Variants in SV2C observed in about 807,000 individuals in gnomAD.
SV2C encodes synaptic vesicle glycoprotein 2C.
SV2C carries 49 observed loss-of-function variants against 79.7 expected under a neutral mutation model. The observed-to-expected ratio is 0.61, with a 90% confidence interval of 0.49 to 0.78. The LOEUF (loss-of-function observed/expected upper bound fraction) is 0.78. SV2C is among the 30% of genes least tolerant of loss of function. The pLI, the probability that SV2C is intolerant of heterozygous loss-of-function variation, is 0.00. For missense variants in SV2C, 833 were observed against 912.9 expected (o/e 0.91, Z 1.13); for synonymous variants, 334 against 333.2 (o/e 1.00, Z -0.03).
chr5:76,075,865 C>G, the SV2C span: 1 of 223,438 alleles, frequency 4.5e-6, no homozygotes, highest in Non-Finnish European at 9.9e-6. Context: ...ATTATTTGCA[C>G]ATAGCAATTA....
chr5:76,336,228 C>T (rs1179136897), downstream of SV2C, among the ~76,000 whole-genome samples: 1 of 151,560 alleles, frequency 6.6e-6, no homozygotes, highest in Non-Finnish European at 1.5e-5. Context: ...GGCTGCCGGG[C>T]GGAGGGGCTC....
chr5:76,214,609 G>C, intron 4 of SV2C, among the ~76,000 whole-genome samples: 1 of 152,112 alleles, frequency 6.6e-6, no homozygotes. Context: ...CTGTAGATCT[G>C]TTTGAGTAGC....
chr5:75,858,405 TG>T, the SV2C span, among the ~76,000 whole-genome samples: 1 of 152,226 alleles, frequency 6.6e-6, no homozygotes, highest in Admixed American at 6.5e-5. Flanking sequence ...ATGATCACTT[TG>T]GTTGATTTGT....
chr5:76,031,021 G>A, the SV2C span, among the ~76,000 whole-genome samples: 1 of 152,058 alleles, frequency 6.6e-6, no homozygotes, highest in Non-Finnish European at 1.5e-5. Flanking sequence ...AATATAAATG[G>A]TGCAAAATAT....
intron 4 of SV2C, among the ~76,000 whole-genome samples, chr5:76,212,770 C>G (rs986921415): frequency 6.6e-6 from 1 of 152,138 alleles, no homozygotes; most frequent in African/African-American, 2.4e-5. Flanking sequence ...ACTAGGAATT[C>G]AGTTCCTCTG....
the SV2C span, among the ~76,000 whole-genome samples, chr5:75,890,115 A>G: frequency 4.6e-5 from 7 of 152,140 alleles, no homozygotes; most frequent in African/African-American, 1.7e-4. Flanking sequence ...TCAATGCATT[A>G]TATTTAAAGG....
At chr5:75,970,189 T>C in the SV2C span, among the ~76,000 whole-genome samples, 43 of 151,634 alleles carry the variant, frequency 2.8e-4, no homozygotes, top group African/African-American at 1.0e-3. Flanking sequence ...TAGAGGGAAA[T>C]GTATAGCACT....
At chr5:75,965,664 T>G in the SV2C span, among the ~76,000 whole-genome samples, 3 of 152,154 alleles carry the variant, frequency 2.0e-5, no homozygotes, top group Admixed American at 2.0e-4. Context: ...CAAAGAGCAC[T>G]ATGGAGTAAG....
chr5:75,913,485 T>C, the SV2C span, among the ~76,000 whole-genome samples: 1 of 152,152 alleles, frequency 6.6e-6, no homozygotes, highest in East Asian at 1.9e-4. Flanking sequence ...TAGAAAGCCT[T>C]GAAAGGGTTA....
intron 1 of SV2C, 110 bp downstream of exon 1, chr5:76,083,622 T>C (rs1390231947): frequency 1.3e-5 from 2 of 152,212 alleles, no homozygotes; most frequent in Non-Finnish European, 2.9e-5. Context: ...TTTTGCAGCC[T>C]TTCGGAAGCG....
intron 12 of SV2C, among the ~76,000 whole-genome samples, chr5:76,315,458 T>C (rs887475468): frequency 1.9e-4 from 29 of 152,214 alleles, no homozygotes; most frequent in Non-Finnish European, 7.3e-5. Context: ...CAGTCTTTCA[T>C]TTAATAAGTA....
At chr5:76,112,946 G>T (rs1263981483) in intron 1 of SV2C, among the ~76,000 whole-genome samples, 3 of 152,172 alleles carry the variant, frequency 2.0e-5, no homozygotes, top group African/African-American at 7.2e-5. Context: ...TTTAAGTTTA[G>T]CAAGTAAGGC....
At chr5:76,047,971 A>C in the SV2C span, among the ~76,000 whole-genome samples, 1 of 151,966 alleles carries the variant, frequency 6.6e-6, no homozygotes, top group Non-Finnish European at 1.5e-5. Flanking sequence ...TTGTATTCTT[A>C]AAAAAATTCT....
chr5:75,882,116 A>G, the SV2C span, among the ~76,000 whole-genome samples: 10 of 150,198 alleles, frequency 6.7e-5, no homozygotes, highest in East Asian at 1.7e-3. Flanking sequence ...ATTTGCATAT[A>G]TTGAACCAGC....
the SV2C span, among the ~76,000 whole-genome samples, chr5:75,998,582 GC>G: frequency 6.6e-6 from 1 of 151,962 alleles, no homozygotes; most frequent in African/African-American, 2.4e-5. Context: ...AGCACAACTA[GC>G]CCTTACTCTT....
At chr5:76,096,670 G>A (rs1747574090) in intron 1 of SV2C, among the ~76,000 whole-genome samples, 1 of 152,132 alleles carries the variant, frequency 6.6e-6, no homozygotes, top group Non-Finnish European at 1.5e-5. Context: ...GCCATGGGGT[G>A]CCCAGATATT....
the SV2C span, chr5:75,921,339 C>T: frequency 3.7e-6 from 4 of 1,089,946 alleles, no homozygotes; most frequent in Non-Finnish European, 5.7e-6. Flanking sequence ...CTCACATCCA[C>T]ATGCTGCCTG....
the SV2C span, among the ~76,000 whole-genome samples, chr5:76,031,013 T>A: frequency 4.6e-5 from 7 of 152,182 alleles, no homozygotes; most frequent in African/African-American, 1.7e-4. Flanking sequence ...TACCAAGCAA[T>A]ATAAATGGTG....
chr5:76,180,528 C>G (rs901485528), intron 2 of SV2C, among the ~76,000 whole-genome samples: 1 of 152,206 alleles, frequency 6.6e-6, no homozygotes, highest in Non-Finnish European at 1.5e-5. Context: ...TTCACTGATG[C>G]CCTGTGCTGA....
Sources: gnomAD v4.1 joint callset for allele counts (sites outside exome capture counted in the v4.1 genomes callset) on GRCh38, gnomAD v4.1.1 for gene constraint, MANE v1.5 for transcripts, NCBI Gene and HGNC (gene_info 2026-07-23, HGNC 2026-07-21) for gene names.